Variants in COL18A1 observed in about 807,000 individuals in gnomAD.
COL18A1 encodes collagen alpha-1(XVIII) chain.
In COL18A1, 133 loss-of-function variants were observed where a neutral mutation model predicts 168.0. That is an observed-to-expected ratio of 0.79 (90% CI 0.69 to 0.91). The LOEUF (loss-of-function observed/expected upper bound fraction) is 0.91, where lower values mean the gene tolerates loss of function less well. COL18A1 is among the 40% of genes least tolerant of loss of function. The probability of loss-of-function intolerance (pLI) is 0.00; values close to 1 mark genes in which losing one functional copy is unlikely to be tolerated. For missense variants in COL18A1, 2,126 were observed against 1,925.4 expected, an observed-to-expected ratio of 1.10 and a Z score of -1.95; for synonymous variants, 949 against 809.0, an observed-to-expected ratio of 1.17 and a Z score of -2.94.
chr21:45,476,464 G>A lies in COL18A1; in HGVS notation c.912G>A (p.Thr304=), dbSNP rs141548934. The A allele has an allele frequency of 4.7e-5, 76 of 1,611,080 alleles. 1 individual carries two copies. In the South Asian group the frequency reaches 6.5e-4, roughly 14 times the overall value. ...GTGAAGAAGTCGAGGAGCAGACCACGGTGGCTTCGTTAGGAGGTAAGCTCT... is the reference window on the plus strand; with the variant it reads ...GTGAAGAAGTCGAGGAGCAGACCACAGTGGCTTCGTTAGGAGGTAAGCTCT... The part of the protein sequence containing the change: ...SRSEEVEEQT[T]VASLGAQTLP... The change falls in exon 6 of 42, where the codon ACG becomes ACA. Residue 304 remains threonine (T), a synonymous_variant. Coordinates refer to ENST00000651438, the MANE Select transcript of COL18A1 (RefSeq NM_001379500.1).
chr21:45,443,399 C>T lies in COL18A1; in HGVS notation c.107-24843C>T, dbSNP rs569051366. 6.6e-6 allele frequency among the ~76,000 whole-genome samples: 1 copy of T among 152,288 alleles called. No homozygotes were observed. Among genetic ancestry groups the T allele is most frequent in the South Asian group, 2.1e-4 (1 of 4,826 alleles). Reference sequence around the variant, plus strand: ...CCCTTGAAAACCAAGTGGGCCTTCACCAGCTTGAAAGGCCGCCCGTGCCTT... The same window carrying T: ...CCCTTGAAAACCAAGTGGGCCTTCATCAGCTTGAAAGGCCGCCCGTGCCTT... On this transcript the variant is annotated intron_variant, in intron 2 of 41. Transcript: ENST00000651438. This position sits in a 1 kb window ranked among gnomAD's most constrained non-coding sequence, Gnocchi z 5.2.
chr21:45,482,687 A>G, intron 14 of COL18A1, 108 bp from the exon 15 acceptor site: 2 of 1,546,372 alleles, frequency 1.3e-6, no homozygotes, highest in Non-Finnish European at 1.8e-6. Flanking sequence ...CACAGGCAGC[A>G]AAGCAGGGAC....
At chr21:45,499,817 A>G (rs1351335367) in intron 32 of COL18A1, among the ~76,000 whole-genome samples, 1 of 152,252 alleles carries the variant, frequency 6.6e-6, no homozygotes, top group Non-Finnish European at 1.5e-5. Context: ...TAAAACACAC[A>G]GAGTAGATCC....
In COL18A1 at chr21:45,510,171, C is replaced by G; in HGVS notation, c.3603C>G (p.Thr1201=). The G allele has an allele frequency of 1.3e-6, 2 of 1,595,576 alleles. No individual in the cohort carries two copies. Among genetic ancestry groups the G allele is most frequent in the Admixed American group, 3.4e-5 (2 of 58,148 alleles). ...QQARAVGLAG[T]FRAFLSSRLQ... ...CGCGGGCCGTGGGGCTGGCGGGCAC[C>G]TTCCGCGCCTTCCTGTCCTCGCGCC... The change falls in exon 40 of 42, where the codon ACC becomes ACG. Residue 1201 remains threonine (T), a synonymous_variant. Transcript: ENST00000651438.
chr21:45,422,575 C>A, intron 2 of COL18A1: 1 of 487,700 alleles, frequency 2.1e-6, no homozygotes. Context: ...CTGTGAGTCG[C>A]CGTCCTGTGC....
At position 45,512,398 on chromosome 21, in the gene COL18A1, G is replaced by A. The variant is rs1331734889; in HGVS notation, c.4020G>A (p.Ter1340=). 1.2e-6 allele frequency: 2 copies of A among 1,612,198 alleles called. No homozygotes were observed. The highest frequency in any genetic ancestry group is 8.5e-7 in the Non-Finnish European group (1 of 1,179,708). ...IENSFMTASK[*] is the part of the protein sequence containing the mutation. Reference sequence around the variant, plus strand: ...ACAGCTTCATGACTGCCTCCAAGTAGCCACCGCCTGGATGCGGATGGCCGG... The same window carrying A: ...ACAGCTTCATGACTGCCTCCAAGTAACCACCGCCTGGATGCGGATGGCCGG... Residue 1340 remains the stop codon, a stop_retained_variant, in exon 42 of 42, where the codon TAG becomes TAA. Coordinates refer to ENST00000651438, the MANE Select transcript of COL18A1 (RefSeq NM_001379500.1).
intron 32 of COL18A1, among the ~76,000 whole-genome samples, chr21:45,503,666 T>G (rs538158129): frequency 6.8e-6 from 1 of 147,232 alleles, no homozygotes; most frequent in African/African-American, 2.5e-5. Context: ...GGGATAGCAT[T>G]GGGAGATATA....
chr21:45,407,125 C>G (rs1469952820), intron 2 of COL18A1, among the ~76,000 whole-genome samples: 5 of 152,216 alleles, frequency 3.3e-5, no homozygotes, highest in Non-Finnish European at 7.3e-5. Flanking sequence ...CCAGGCCACC[C>G]GCAGCCCGGG....
At chr21:45,433,794 A>C (rs143391584) in intron 2 of COL18A1, among the ~76,000 whole-genome samples, 2 of 152,154 alleles carry the variant, frequency 1.3e-5, no homozygotes, top group Non-Finnish European at 2.9e-5. Context: ...TCTGTGCCTC[A>C]GTTTTTCTCC....
At chr21:45,511,047 C>G (rs2037572560) in intron 40 of COL18A1, 64 bp from the exon 41 acceptor site, 3 of 425,538 alleles carry the variant, frequency 7.0e-6, no homozygotes, top group African/African-American at 7.7e-5. Flanking sequence ...CACCCCCCCA[C>G]AAACACCCAC....
In COL18A1 at chr21:45,455,587, G is replaced by A. The variant is rs1031661837; in HGVS notation, c.107-12655G>A. On this transcript the variant is annotated intron_variant, in intron 2 of 41. Coordinates refer to ENST00000651438, the MANE Select transcript of COL18A1 (RefSeq NM_001379500.1). The stretch of plus-strand genomic sequence containing the variant: ...TGCTGCTGCTCTTCTGCTGCCTGGC[G>A]GCTGCCCGGGCCAACCTGCTGAACC... The A allele has an allele frequency of 1.2e-5, 20 of 1,613,948 alleles. No homozygotes were observed. Among genetic ancestry groups the A allele is most frequent in the East Asian group, 1.1e-4 (5 of 44,884 alleles).
chr21:45,408,496 C>G (rs1245633587), intron 2 of COL18A1: 2 of 152,310 alleles, frequency 1.3e-5, no homozygotes, highest in East Asian at 3.9e-4. Context: ...TTCTTTGGGC[C>G]CCGGGAGTGC....
At chr21:45,472,289 T>C (rs2035463588) in intron 3 of COL18A1, among the ~76,000 whole-genome samples, 1 of 151,524 alleles carries the variant, frequency 6.6e-6, no homozygotes. Context: ...AGTGGCACGA[T>C]TGCGGCTCAC....
intron 2 of COL18A1, among the ~76,000 whole-genome samples, chr21:45,437,265 CTCAG>C (rs1471955882): frequency 2.9e-5 from 3 of 103,424 alleles, no homozygotes; most frequent in Non-Finnish European, 5.8e-5. Flanking sequence ...CACTCACACA[CTCAG>C]ACACACAGGC....
chr21:45,438,216 ACT>A lies in COL18A1; in HGVS notation c.107-30024_107-30023del, dbSNP rs760357417. Among the ~76,000 whole-genome samples, 107 of 109,126 alleles carry A rather than the reference ACT, an allele frequency of 9.8e-4. 2 individuals are homozygous for A. The highest frequency in any genetic ancestry group is 1.3e-3 in the Non-Finnish European group (71 of 55,084). The allele number at this position is 109,126 out of a possible 152,430, so 71.6% of individuals were successfully genotyped here. A position where few individuals can be genotyped will look rare whatever the true frequency, so the allele number is the denominator to read the frequency against. On this transcript the variant is annotated intron_variant, in intron 2 of 41. Coordinates refer to ENST00000651438, the MANE Select transcript of COL18A1 (RefSeq NM_001379500.1). ...CACAGGCACTCTCCTGCACACACACACTCACACACTCAGACACACAGGCACTC... is the reference window on the plus strand; with the variant it reads ...CACAGGCACTCTCCTGCACACACACACACACACTCAGACACACAGGCACTC...
intron 2 of COL18A1, among the ~76,000 whole-genome samples, chr21:45,439,197 C>T (rs1405776971): frequency 6.6e-6 from 1 of 152,252 alleles, no homozygotes; most frequent in Admixed American, 6.5e-5. Flanking sequence ...CAAACGTGTT[C>T]CTTGGTCATT....
At chr21:45,420,661 T>G (rs1241136308) in intron 2 of COL18A1, 1 of 152,382 alleles carries the variant, frequency 6.6e-6, no homozygotes, top group Non-Finnish European at 1.5e-5. Flanking sequence ...GCCTGTATCC[T>G]GGCAACAGGA....
chr21:45,412,217 C>T (rs1220117479), intron 2 of COL18A1, among the ~76,000 whole-genome samples: 1 of 143,730 alleles, frequency 7.0e-6, no homozygotes, highest in Admixed American at 7.2e-5. Context: ...TATGATATTT[C>T]TTTAACTGGG....
chr21:45,475,148 G>T (rs2145914252), intron 4 of COL18A1, among the ~76,000 whole-genome samples: 1 of 152,348 alleles, frequency 6.6e-6, no homozygotes, highest in African/African-American at 2.4e-5. Context: ...CTGCGGTGCG[G>T]CCTCCTCCAG....
Sources: allele counts gnomAD v4.1 joint callset (sites outside exome capture counted in the v4.1 genomes callset), GRCh38; gene constraint gnomAD v4.1.1; non-coding constraint Gnocchi (gnomAD v3.1); transcripts MANE v1.5; gene names NCBI Gene and HGNC (gene_info 2026-07-23, HGNC 2026-07-21).